Variants in FOCAD observed in about 807,000 individuals in gnomAD.
FOCAD encodes focadhesin.
Under a neutral mutation model 225.6 loss-of-function variants are expected in FOCAD, and 198 were observed. The observed-to-expected ratio is 0.88, with a 90% CI of 0.78 to 0.99. The LOEUF (loss-of-function observed/expected upper bound fraction) is 0.99. FOCAD is among the 50% of genes least tolerant of loss of function. The pLI is 0.00. For synonymous variants in FOCAD, 897 were observed against 755.0 expected (o/e 1.19, Z -3.08); for missense variants, 2,713 against 2,123.6 (o/e 1.28, Z -5.46).
intron 3 of FOCAD, among the ~76,000 whole-genome samples, chr9:20,718,373 A>C (rs1170297695): frequency 6.6e-6 from 1 of 152,238 alleles, no homozygotes; most frequent in Non-Finnish European, 1.5e-5. Flanking sequence ...AAGCAATGCC[A>C]GCTTACTGAG....
intron 10 of FOCAD, among the ~76,000 whole-genome samples, chr9:20,785,806 G>A (rs1441026488): frequency 6.6e-6 from 1 of 152,156 alleles, no homozygotes. Context: ...ATAACTCTAT[G>A]TTTCACAGTT....
At chr9:20,708,909 C>T (rs1824608624) in intron 1 of FOCAD, among the ~76,000 whole-genome samples, 1 of 152,032 alleles carries the variant, frequency 6.6e-6, no homozygotes, top group African/African-American at 2.4e-5. Context: ...ATCATTGGAC[C>T]CTCCTCCTCC....
chr9:20,871,076 G>A (rs1587460613), intron 18 of FOCAD, among the ~76,000 whole-genome samples: 1 of 151,648 alleles, frequency 6.6e-6, no homozygotes. Context: ...GGTGGTGCGG[G>A]GCCTGTAATC....
intron 15 of FOCAD, among the ~76,000 whole-genome samples, chr9:20,834,884 A>C (rs532669452): frequency 1.4e-4 from 21 of 152,258 alleles, no homozygotes; most frequent in African/African-American, 5.1e-4. Flanking sequence ...AGTATGAAAA[A>C]GTAAAATATC....
At chr9:20,942,907 A>G (rs1261782226) in intron 28 of FOCAD, among the ~76,000 whole-genome samples, 3 of 152,210 alleles carry the variant, frequency 2.0e-5, no homozygotes, top group Non-Finnish European at 4.4e-5. Flanking sequence ...TGGGCGAGAG[A>G]TGATGTCTCT....
rs555803031 is a variant in FOCAD, at chr9:20,779,789, A to G, written c.994+1021A>G. 4.6e-5 allele frequency among the ~76,000 whole-genome samples: 7 copies of G among 152,128 alleles called. No individual in the cohort carries two copies. The East Asian group carries it at 1.4e-3, about 29-fold the overall frequency. ...AGTGTGCGAGATAAATACTTATTGT[A>G]TAGCTCATTCTTCTGGGCATTTTAA... On this transcript the variant is annotated intron_variant, in intron 9 of 43. Coordinates refer to ENST00000338382, the MANE Select transcript of FOCAD (RefSeq NM_001375567.1).
At chr9:20,737,749 C>G (rs992598286) in intron 4 of FOCAD, among the ~76,000 whole-genome samples, 47 of 152,202 alleles carry the variant, frequency 3.1e-4, no homozygotes, top group African/African-American at 1.1e-3. Flanking sequence ...CATTTAACAT[C>G]TAGGCACAGG....
chr9:20,957,417 CTT>C (rs1375475076), intron 35 of FOCAD: 1 of 148,596 alleles, frequency 6.7e-6, no homozygotes, highest in Non-Finnish European at 1.5e-5. Flanking sequence ...TCATAATAAA[CTT>C]AATCATTTTC....
intron 8 of FOCAD, among the ~76,000 whole-genome samples, chr9:20,776,387 C>T (rs982536114): frequency 6.6e-6 from 1 of 152,160 alleles, no homozygotes; most frequent in African/African-American, 2.4e-5. Context: ...TTGAAGTGTG[C>T]AAAGGGGATG....
In FOCAD at chr9:20,995,619, A is replaced by G; in HGVS notation, c.5396A>G (p.Tyr1799Cys). The G allele has an allele frequency of 6.2e-7, 1 of 1,612,530 alleles. No individual in the cohort carries two copies. Among genetic ancestry groups the G allele is most frequent in the Non-Finnish European group, 8.5e-7 (1 of 1,178,684 alleles). ...FKKKAVWTRAYGW is the reference protein window; with the variant it reads ...FKKKAVWTRACGW ...AAGAAAGCTGTATGGACCAGAGCAT[A>G]TGGTTGGTGAACAGTTTTGCAGTAA... Residue 1799 changes from tyrosine to cysteine, a missense_variant, in exon 44 of 44, where the codon TAT becomes TGT. Transcript: ENST00000338382.
chr9:20,984,830 T>C (rs1841007476), intron 39 of FOCAD, among the ~76,000 whole-genome samples: 1 of 152,220 alleles, frequency 6.6e-6, no homozygotes, highest in African/African-American at 2.4e-5. Flanking sequence ...AGACTGAGTC[T>C]CACTTTGTCT....
chr9:20,717,966 C>T, intron 3 of FOCAD, 98 bp downstream of exon 3: 4 of 888,566 alleles, frequency 4.5e-6, no homozygotes, highest in Non-Finnish European at 7.0e-6. Context: ...GTTCAGATCA[C>T]AGTAGAAATG....
At chr9:20,857,284 A>G (rs912159303) in intron 15 of FOCAD, among the ~76,000 whole-genome samples, 4 of 151,596 alleles carry the variant, frequency 2.6e-5, no homozygotes, top group African/African-American at 7.3e-5. Context: ...TCAATGTTTC[A>G]TAGTTTTCAT....
intron 29 of FOCAD, among the ~76,000 whole-genome samples, chr9:20,945,784 T>C (rs1193054576): frequency 6.6e-6 from 1 of 152,206 alleles, no homozygotes; most frequent in Non-Finnish European, 1.5e-5. Context: ...TTCTCCCCTC[T>C]GATGTTTTAT....
At chr9:20,775,132 ATATCAGCGTTG>A (rs1818627737) in intron 8 of FOCAD, among the ~76,000 whole-genome samples, 1 of 152,166 alleles carries the variant, frequency 6.6e-6, no homozygotes, top group Non-Finnish European at 1.5e-5. Context: ...TTCTACTCTT[ATATCAGCGTTG>A]TATCATTGTA....
chr9:20,905,864 A>G (rs1202246749), intron 21 of FOCAD, among the ~76,000 whole-genome samples: 3 of 151,992 alleles, frequency 2.0e-5, no homozygotes, highest in Non-Finnish European at 4.4e-5. Context: ...CTTATTCAGG[A>G]AAAGTCCTGT....
At chr9:20,771,260 A>G (rs772544573) in intron 8 of FOCAD, among the ~76,000 whole-genome samples, 5 of 152,246 alleles carry the variant, frequency 3.3e-5, no homozygotes, top group African/African-American at 1.2e-4. Context: ...CTTGTCTTCC[A>G]TGCCACACAA....
At chr9:20,687,134 C>G (rs564779901) in intron 1 of FOCAD, among the ~76,000 whole-genome samples, 2 of 152,068 alleles carry the variant, frequency 1.3e-5, no homozygotes, top group South Asian at 2.1e-4. Flanking sequence ...GTTCCAAAAC[C>G]CTTGACTTTA....
intron 4 of FOCAD, among the ~76,000 whole-genome samples, chr9:20,738,644 A>G (rs1238435398): frequency 6.6e-6 from 1 of 152,242 alleles, no homozygotes; most frequent in Non-Finnish European, 1.5e-5. Flanking sequence ...ATACCACTGT[A>G]GATTGTGAAA....
Sources: allele counts gnomAD v4.1 joint callset (sites outside exome capture counted in the v4.1 genomes callset), GRCh38; gene constraint gnomAD v4.1.1; transcripts MANE v1.5; gene names NCBI Gene and HGNC (gene_info 2026-07-23, HGNC 2026-07-21).